Variants in EXOC6 observed in about 807,000 individuals in gnomAD.
EXOC6 encodes exocyst complex component 6, also known as SEC15-like 1.
A neutral mutation model predicts 112.5 loss-of-function variants in EXOC6; 60 were observed. That is an observed-to-expected ratio of 0.53 (90% confidence interval 0.43 to 0.66). EXOC6 has a LOEUF of 0.66. Ranked by LOEUF, EXOC6 falls within the 30% of genes least tolerant of loss-of-function variation. The pLI, the probability that EXOC6 is intolerant of heterozygous loss-of-function variation, is 0.00. For missense variants in EXOC6, 855 were observed against 957.1 expected (o/e 0.89, Z 1.41); for synonymous variants, 295 against 308.0 (o/e 0.96, Z 0.44).
intron 17 of EXOC6, among the ~76,000 whole-genome samples, chr10:92,961,322 G>A (rs1464585596): frequency 6.6e-6 from 1 of 152,138 alleles, no homozygotes; most frequent in Non-Finnish European, 1.5e-5. Context: ...AAAAGGCAAT[G>A]TATATGACAT....
chr10:92,867,095 C>CA (rs998599472), intron 1 of EXOC6, among the ~76,000 whole-genome samples: 2 of 151,980 alleles, frequency 1.3e-5, no homozygotes, highest in African/African-American at 4.8e-5. Flanking sequence ...TAACTTCACT[C>CA]ACAGGTCAAG....
intron 18 of EXOC6, among the ~76,000 whole-genome samples, chr10:92,994,805 CAG>C (rs1271406175): frequency 2.6e-5 from 4 of 151,576 alleles, no homozygotes; most frequent in African/African-American, 9.7e-5. Flanking sequence ...AAGATTATAC[CAG>C]AGTGTGCCAA....
intron 18 of EXOC6, among the ~76,000 whole-genome samples, chr10:92,975,667 G>C (rs1376016805): frequency 2.5e-5 from 3 of 120,406 alleles, no homozygotes; most frequent in African/African-American, 9.7e-5. Context: ...GGTGAGGGGC[G>C]CCTCTGCCCG....
intron 1 of EXOC6, among the ~76,000 whole-genome samples, chr10:92,838,555 ATACTTTTCCC>A (rs1846734350): frequency 6.6e-6 from 1 of 152,240 alleles, no homozygotes; most frequent in East Asian, 1.9e-4. Context: ...CTGAGACTCT[ATACTTTTCCC>A]AAGGTTTATT....
chr10:92,917,124 G>A (rs1055951467), intron 7 of EXOC6, among the ~76,000 whole-genome samples: 8 of 151,762 alleles, frequency 5.3e-5, no homozygotes, highest in Non-Finnish European at 1.0e-4. Flanking sequence ...CACCATGCCC[G>A]GCTGGCTAAT....
chr10:92,981,310 TG>T (rs1265230743), intron 18 of EXOC6, among the ~76,000 whole-genome samples: 1 of 152,240 alleles, frequency 6.6e-6, no homozygotes, highest in Non-Finnish European at 1.5e-5. Flanking sequence ...AACGTTTTAC[TG>T]TGAACTTACT....
chr10:92,970,533 CAG>C (rs1564872978), intron 17 of EXOC6, among the ~76,000 whole-genome samples: 2 of 152,210 alleles, frequency 1.3e-5, no homozygotes, highest in Admixed American at 6.5e-5. Context: ...TATTTTGAGT[CAG>C]AGCTCATCTT....
intron 12 of EXOC6, among the ~76,000 whole-genome samples, chr10:92,938,844 C>T (rs1852500998): frequency 6.6e-6 from 1 of 152,052 alleles, no homozygotes; most frequent in African/African-American, 2.4e-5. Flanking sequence ...TTTGGGCTTG[C>T]AGAAGGTGGA....
At chr10:93,017,589 A>T (rs1458115059) in intron 20 of EXOC6, among the ~76,000 whole-genome samples, 1 of 151,948 alleles carries the variant, frequency 6.6e-6, no homozygotes, top group Non-Finnish European at 1.5e-5. Context: ...ACTCTGTCTC[A>T]AACAAACAAA....
intron 20 of EXOC6, among the ~76,000 whole-genome samples, chr10:93,050,763 A>AAAAAAAAAAAAAAAAAAAC (rs1846247794): frequency 6.9e-6 from 1 of 144,108 alleles, no homozygotes; most frequent in African/African-American, 2.5e-5. Context: ...CCGTCTCAAA[A>AAAAAAAAAAAAAAAAAAAC]AAAAAAAAAA....
chr10:92,848,498 C>A (rs1589689432), upstream of EXOC6: 1 of 1,290,858 alleles, frequency 7.7e-7, no homozygotes, highest in Non-Finnish European at 1.0e-6. Context: ...GTTCCCGCGG[C>A]GCCGCGCCTC....
At chr10:92,985,975 T>TTG (rs1202058147) in intron 18 of EXOC6, among the ~76,000 whole-genome samples, 2 of 151,226 alleles carry the variant, frequency 1.3e-5, no homozygotes, top group East Asian at 2.0e-4. Context: ...TAACCATATA[T>TTG]TGTATATATA....
chr10:92,974,519 T>G (rs1328792380), intron 18 of EXOC6, among the ~76,000 whole-genome samples: 2 of 47,736 alleles, frequency 4.2e-5, no homozygotes, highest in Non-Finnish European at 7.1e-5. Flanking sequence ...TAGAAATAAT[T>G]TACATAGAGT....
chr10:92,891,662 A>G (rs957828195), intron 1 of EXOC6, among the ~76,000 whole-genome samples: 1 of 152,102 alleles, frequency 6.6e-6, no homozygotes, highest in African/African-American at 2.4e-5. Flanking sequence ...TTGTATTTTT[A>G]GTAGAGACAG....
chr10:93,001,215 T>C (rs1289378440), intron 19 of EXOC6, among the ~76,000 whole-genome samples: 1 of 152,120 alleles, frequency 6.6e-6, no homozygotes, highest in East Asian at 1.9e-4. Context: ...GAAAGGCAGG[T>C]AGTTCAGATG....
intron 13 of EXOC6, among the ~76,000 whole-genome samples, chr10:92,942,096 A>G (rs1043859391): frequency 6.6e-6 from 1 of 152,198 alleles, no homozygotes; most frequent in Admixed American, 6.5e-5. Flanking sequence ...AAATACTGTA[A>G]TAGAAATTTT....
At chr10:92,951,079 G>GAAAAGGAGCAAATTTAGAAGAAA (rs1341095950) in intron 14 of EXOC6, among the ~76,000 whole-genome samples, 2 of 152,168 alleles carry the variant, frequency 1.3e-5, no homozygotes, top group Non-Finnish European at 2.9e-5. Context: ...ATAAGAAACA[G>GAAAAGGAGCAAATTTAGAAGAAA]AAAAGGAGCA....
chr10:93,006,228 T>C (rs191604842), intron 19 of EXOC6, among the ~76,000 whole-genome samples: 2 of 152,238 alleles, frequency 1.3e-5, no homozygotes, highest in East Asian at 3.9e-4. Flanking sequence ...TATAGAGTTT[T>C]AGCGACTATG....
In EXOC6 at chr10:92,858,030, TCC is replaced by T. The variant is rs1564777179; in HGVS notation, c.101+9397_101+9398del. ...ATTTTTAGTTGACGGGTTCCCCCCCTCCGCCGGCCAGCAGTTTGAATATGTCT... is the reference window on the plus strand; with the variant it reads ...ATTTTTAGTTGACGGGTTCCCCCCCTGCCGGCCAGCAGTTTGAATATGTCT... On this transcript the variant is annotated intron_variant, in intron 1 of 21. Coordinates refer to ENST00000260762, the MANE Select transcript of EXOC6 (RefSeq NM_019053.6). 1.1e-4 allele frequency among the ~76,000 whole-genome samples: 13 copies of T among 120,568 alleles called. 1 individual carries two copies. Among genetic ancestry groups the T allele is most frequent in the Non-Finnish European group, 1.6e-4 (9 of 57,288 alleles). 79.1% of individuals were successfully genotyped at this position (120,568 alleles called of 152,430 possible). A position where few individuals can be genotyped will look rare whatever the true frequency, so the allele number is the denominator to read the frequency against.
Sources: allele counts gnomAD v4.1 joint callset (sites outside exome capture counted in the v4.1 genomes callset), GRCh38; gene constraint gnomAD v4.1.1; transcripts MANE v1.5; gene names NCBI Gene and HGNC (gene_info 2026-07-23, HGNC 2026-07-21).